The following QSOX1 variants were observed in gnomAD, a reference collection of about 807,000 sequenced individuals.
QSOX1 encodes sulfhydryl oxidase 1.
Under a neutral mutation model 76.1 loss-of-function variants are expected in QSOX1, and 40 were observed. The observed-to-expected ratio is 0.53, with a 90% CI of 0.41 to 0.68. The LOEUF is 0.68. Among genes scored for constraint, QSOX1 ranks in the 30% least tolerant of loss-of-function variants. QSOX1 has a pLI of 0.00. For synonymous variants in QSOX1, 392 were observed against 413.1 expected, an observed-to-expected ratio of 0.95 and a Z score of 0.62; for missense variants, 931 against 974.3, an observed-to-expected ratio of 0.96 and a Z score of 0.59.
rs1663060140 is a variant in QSOX1 at position 180,182,302 on chromosome 1, T to G, written c.735T>G (p.Ser245=). ...PSCYLLFRNG[S]VSRVPVLMES... is the part of the protein sequence containing the mutation. ...GCTACCTGCTGTTCCGGAATGGCTC[T>G]GTCTCCCGAGTCCCCGTGTGAGTAT... The change falls in exon 6 of 12, where the codon TCT becomes TCG. Residue 245 remains serine (S), a synonymous_variant. Transcript: ENST00000367602. 6.2e-7 allele frequency: 1 copy of G among 1,614,124 alleles called. No homozygotes were observed. Among genetic ancestry groups the G allele is most frequent in the Admixed American group, 1.7e-5 (1 of 60,008 alleles).
intron 1 of QSOX1, among the ~76,000 whole-genome samples, chr1:180,160,793 G>A (rs974872351): frequency 1.3e-5 from 2 of 152,146 alleles, no homozygotes; most frequent in African/African-American, 2.4e-5. Context: ...TTTGTGTAGC[G>A]TACACGTCAG....
Position 180,154,889 on chromosome 1 carries a change from G to C in QSOX1, c.-19G>C. 7.1e-7 allele frequency: 1 copy of C among 1,404,698 alleles called. No individual in the cohort carries two copies. Among genetic ancestry groups the C allele is most frequent in the Non-Finnish European group, 9.2e-7 (1 of 1,086,794 alleles). The allele number at this position is 1,404,698 out of a possible 1,614,324, so 87.0% of individuals were successfully genotyped here. Reference sequence around the variant, plus strand: ...GACTCATCCGGTGCTTGCGTGTGGTGGTGAGCGCAGCGCCGAGGATGAGGA... The same window carrying C: ...GACTCATCCGGTGCTTGCGTGTGGTCGTGAGCGCAGCGCCGAGGATGAGGA... On this transcript the variant is annotated 5_prime_UTR_variant, in exon 1 of 12. Transcript: ENST00000367602.
Position 180,194,217 on chromosome 1 carries a change from G to A in QSOX1, c.1293G>A (p.Lys431=). The part of the protein sequence containing the change: ...QNVDHSQEAA[K]AKEVLPAIRG... Reference sequence around the variant, plus strand: ...GGCATCTCCTCTGCCCTGTAGCCAAGGCCAAGGAGGTCCTCCCAGCCATCC... The same window carrying A: ...GGCATCTCCTCTGCCCTGTAGCCAAAGCCAAGGAGGTCCTCCCAGCCATCC... The change falls in exon 11 of 12, where the codon AAG becomes AAA. Residue 431 remains lysine, a synonymous_variant. Transcript: ENST00000367602. The A allele has an allele frequency of 6.2e-7, 1 of 1,611,634 alleles. No homozygotes were observed. Among genetic ancestry groups the A allele is most frequent in the Admixed American group, 1.7e-5 (1 of 59,780 alleles).
At position 180,201,155 on chromosome 1, in the gene QSOX1, C is replaced by G. The variant is rs1391097763; in HGVS notation, c.*4118C>G. On this transcript the variant is annotated 3_prime_UTR_variant, in exon 12 of 12. Coordinates refer to ENST00000367602, the MANE Select transcript of QSOX1 (RefSeq NM_002826.5). Reference sequence around the variant, plus strand: ...GGGTCCCTGCTAAATTCCTCTCCCTCTTCCTGGGATTCCCATCCATGTATT... The same window carrying G: ...GGGTCCCTGCTAAATTCCTCTCCCTGTTCCTGGGATTCCCATCCATGTATT... 1 of 152,210 alleles carries G rather than the reference C, an allele frequency of 6.6e-6. No individual in the cohort carries two copies. The highest frequency in any genetic ancestry group is 6.5e-5 in the Admixed American group (1 of 15,288). 9.4% of individuals were successfully genotyped at this position (152,210 alleles called of 1,614,324 possible).
chr1:180,175,422 T>C, intron 3 of QSOX1, 56 bp downstream of exon 3: 5 of 1,570,650 alleles, frequency 3.2e-6, no homozygotes, highest in Non-Finnish European at 4.4e-6. Context: ...ACCTCCCTCT[T>C]CACCTGGGTT....
intron 1 of QSOX1, among the ~76,000 whole-genome samples, chr1:180,161,364 G>A (rs956775172): frequency 3.9e-5 from 6 of 152,124 alleles, no homozygotes; most frequent in Admixed American, 3.9e-4. Flanking sequence ...CTCAAGGCTA[G>A]GAAGTCAACC....
intron 4 of QSOX1, among the ~76,000 whole-genome samples, chr1:180,178,121 A>G (rs1166831967): frequency 6.6e-6 from 1 of 152,182 alleles, no homozygotes; most frequent in Non-Finnish European, 1.5e-5. Flanking sequence ...GGGGACCAAT[A>G]AAAACCACAT....
chr1:180,173,700 C>CA, intron 2 of QSOX1, among the ~76,000 whole-genome samples: 1 of 152,226 alleles, frequency 6.6e-6, no homozygotes, highest in South Asian at 2.1e-4. Flanking sequence ...CTGTAACAAA[C>CA]AAGTCCTAGC....
Position 180,199,436 on chromosome 1 carries a change from A to C in QSOX1, c.*2399A>C, listed in dbSNP as rs893145974. ...CTCGCCTCTGTCTGGTGTGTTACCT[A>C]CTGGGGGCACAGGAACAATTTCCTC... On this transcript the variant is annotated 3_prime_UTR_variant, in exon 12 of 12. Coordinates refer to ENST00000367602, the MANE Select transcript of QSOX1 (RefSeq NM_002826.5). 1 of 152,054 alleles carries C rather than the reference A, an allele frequency of 6.6e-6. No individual in the cohort carries two copies. Among genetic ancestry groups the C allele is most frequent in the African/African-American group, 2.4e-5 (1 of 41,398 alleles). 9.4% of individuals were successfully genotyped at this position (152,054 alleles called of 1,614,324 possible).
intron 8 of QSOX1, among the ~76,000 whole-genome samples, chr1:180,186,543 G>A (rs1274715111): frequency 6.6e-6 from 1 of 151,816 alleles, no homozygotes; most frequent in South Asian, 2.1e-4. Context: ...CACTGGGAAA[G>A]CAGGACCCCT....
At chr1:180,194,784 G>A (rs7556324) in intron 11 of QSOX1, among the ~76,000 whole-genome samples, 14,104 of 152,232 alleles carry the variant, frequency 0.093, 1,428 homozygotes, top group African/African-American at 0.25. Flanking sequence ...AGACCAGGTC[G>A]TTCCTGGAAA....
rs1036303372 is a variant in QSOX1 at position 180,154,872 on chromosome 1, C to T, written c.-36C>T. 3.0e-6 allele frequency: 4 copies of T among 1,354,446 alleles called. No individual in the cohort carries two copies. Among genetic ancestry groups the T allele is most frequent in the African/African-American group, 1.5e-5 (1 of 65,120 alleles). The allele number at this position is 1,354,446 out of a possible 1,614,324, so 83.9% of individuals were successfully genotyped here. ...CCGCGGCGCCGGGACCCGACTCATC[C>T]GGTGCTTGCGTGTGGTGGTGAGCGC... On this transcript the variant is annotated 5_prime_UTR_variant, in exon 1 of 12. Coordinates refer to ENST00000367602, the MANE Select transcript of QSOX1 (RefSeq NM_002826.5).
chr1:180,201,884 C>T lies in QSOX1; in HGVS notation c.*4847C>T, dbSNP rs992482912. On this transcript the variant is annotated 3_prime_UTR_variant, in exon 12 of 12. Transcript: ENST00000367602. ...ACTGTTTGCTGCAGAGGAGGCCCCA[C>T]TCGCAGCCTTGGCCTCTGCCCTGCA... The T allele has an allele frequency of 2.0e-5, 3 of 152,326 alleles. No homozygotes were observed. Among genetic ancestry groups the T allele is most frequent in the African/African-American group, 7.2e-5 (3 of 41,458 alleles). The allele number at this position is 152,326 out of a possible 1,614,324, so 9.4% of individuals were successfully genotyped here. A position where few individuals can be genotyped will look rare whatever the true frequency, so the allele number is the denominator to read the frequency against.
chr1:180,194,509 G>C, intron 11 of QSOX1, 117 bp downstream of exon 11: 1 of 1,010,564 alleles, frequency 9.9e-7, no homozygotes, highest in Non-Finnish European at 1.4e-6. Flanking sequence ...CTCAGTCACA[G>C]CCCAGGCCTG....
chr1:180,186,956 C>G (rs1031200875), intron 8 of QSOX1, among the ~76,000 whole-genome samples: 1 of 152,196 alleles, frequency 6.6e-6, no homozygotes, highest in African/African-American at 2.4e-5. Context: ...TGCTGGAAAC[C>G]CTGGACTCTG....
intron 2 of QSOX1, among the ~76,000 whole-genome samples, chr1:180,167,880 C>A (rs914027018): frequency 6.6e-5 from 10 of 152,224 alleles, no homozygotes; most frequent in African/African-American, 1.9e-4. Context: ...TCAAACAGGG[C>A]ACTCTGTTCC....
chr1:180,167,966 A>C (rs1662670014), intron 2 of QSOX1, among the ~76,000 whole-genome samples: 1 of 152,192 alleles, frequency 6.6e-6, no homozygotes, highest in Non-Finnish European at 1.5e-5. Context: ...ACCATCATTC[A>C]CAGGCTGATA....
intron 7 of QSOX1, among the ~76,000 whole-genome samples, chr1:180,184,842 C>A (rs1663133300): frequency 6.6e-6 from 1 of 151,886 alleles, no homozygotes; most frequent in South Asian, 2.1e-4. Flanking sequence ...GTGGAAAGTG[C>A]CAAATGGAGA....
intron 2 of QSOX1, among the ~76,000 whole-genome samples, chr1:180,171,025 GT>G (rs1558185855): frequency 6.6e-6 from 1 of 152,200 alleles, no homozygotes; most frequent in Non-Finnish European, 1.5e-5. Context: ...AATGCAGTGA[GT>G]TTGGACATTA....
Sources: allele counts gnomAD v4.1 joint callset (sites outside exome capture counted in the v4.1 genomes callset), GRCh38; gene constraint gnomAD v4.1.1; transcripts MANE v1.5; gene names NCBI Gene and HGNC (gene_info 2026-07-23, HGNC 2026-07-21).